Variants in CEP78 observed in about 807,000 individuals in gnomAD.
CEP78 encodes the protein centrosomal protein of 78 kDa.
In CEP78, 76 loss-of-function variants were observed where a neutral mutation model predicts 81.2. The ratio of observed to expected loss-of-function variants is 0.94; its 90% CI spans 0.78 to 1.13. The LOEUF is 1.13. Among genes scored for constraint, CEP78 ranks in the 50% most tolerant of loss-of-function variants. CEP78 has a pLI of 0.00. For synonymous variants in CEP78, 293 were observed against 301.4 expected, an observed-to-expected ratio of 0.97 and a Z score of 0.29; for missense variants, 918 against 846.8, an observed-to-expected ratio of 1.08 and a Z score of -1.04.
At chr9:78,243,392 A>T in intron 4 of CEP78, 70 bp from the exon 5 acceptor site, 1 of 1,323,110 alleles carries the variant, frequency 7.6e-7, no homozygotes, top group Non-Finnish European at 1.1e-6. Context: ...AATCAGCTGT[A>T]CTTAGTTCCT....
Position 78,252,030 on chromosome 9 carries a change from G to A in CEP78, c.1192G>A (p.Ala398Thr). ...CTTGCCGTGGCGTACTGCAGAACGT[G>A]CAAAAAGACACAGGTAGGGTATTTT... The part of the protein sequence containing the change: ...GFLPWRTAER[A>T]KRHRGFPLIK... Residue 398 changes from alanine (A) to threonine (T), a missense_variant, in exon 9 of 17, where the codon GCA (alanine) becomes ACA (threonine). By Grantham distance (58) the Ala-to-Thr change is moderately conservative (BLOSUM62 0). Transcript: ENST00000643273. 6.3e-7 allele frequency: 1 copy of A among 1,590,410 alleles called. No individual in the cohort carries two copies.
chr9:78,254,490 TG>T (rs1826918483), intron 10 of CEP78: 1 of 155,424 alleles, frequency 6.4e-6, no homozygotes, highest in Non-Finnish European at 1.4e-5. Flanking sequence ...CATCTGCAGT[TG>T]ATCTGAGAAA....
intron 11 of CEP78, among the ~76,000 whole-genome samples, chr9:78,259,109 A>G (rs894149369): frequency 2.0e-5 from 3 of 152,246 alleles, no homozygotes; most frequent in Non-Finnish European, 4.4e-5. Context: ...ATTAGATTGC[A>G]TTTGTACACT....
At position 78,253,188 on chromosome 9, in the gene CEP78, G is replaced by A. The variant is rs1364861067; in HGVS notation, c.1206-44G>A. On this transcript the variant is annotated intron_variant, in intron 9 of 16. Coordinates refer to ENST00000643273, the MANE Select transcript of CEP78 (RefSeq NM_001330691.3). ...TTATTACCTAGTGTTAACTGGTGGTGTATTTACATCAAAATATAACTTAAT... is the reference window on the plus strand; with the variant it reads ...TTATTACCTAGTGTTAACTGGTGGTATATTTACATCAAAATATAACTTAAT... 3 of 831,812 alleles carry A rather than the reference G, an allele frequency of 3.6e-6. No individual in the cohort carries two copies. The African/African-American group carries it at 5.0e-5, about 14-fold the overall frequency. The allele number at this position is 831,812 out of a possible 1,614,324, so 51.5% of individuals were successfully genotyped here. A position where few individuals can be genotyped will look rare whatever the true frequency, so the allele number is the denominator to read the frequency against.
chr9:78,256,393 G>T (rs750684374), intron 11 of CEP78, among the ~76,000 whole-genome samples: 17 of 152,158 alleles, frequency 1.1e-4, no homozygotes, highest in Non-Finnish European at 1.5e-5. Flanking sequence ...TAACTGGGGA[G>T]AACTAGGGTA....
chr9:78,264,070 G>A (rs1827398272), intron 12 of CEP78, 80 bp from the exon 13 acceptor site: 2 of 1,004,214 alleles, frequency 2.0e-6, no homozygotes, highest in Non-Finnish European at 2.7e-6. Flanking sequence ...TTTTTAAAAT[G>A]TTTTATTTTA....
intron 5 of CEP78, among the ~76,000 whole-genome samples, chr9:78,245,609 G>A (rs1048632943): frequency 2.0e-5 from 3 of 152,160 alleles, no homozygotes; most frequent in Admixed American, 6.5e-5. Context: ...TGGTATACAC[G>A]TGCTTTTGCT....
At chr9:78,248,238 T>TA in intron 6 of CEP78, 53 bp from the exon 7 acceptor site, 1 of 910,016 alleles carries the variant, frequency 1.1e-6, no homozygotes, top group African/African-American at 1.7e-5. Flanking sequence ...TAAATGGGAA[T>TA]AGCCACTCAT....
rs760910248 is a variant in CEP78, at chr9:78,254,946, A to G, written c.1362A>G (p.Ile454Met). The change falls in exon 11 of 17, where the codon ATA becomes ATG. Residue 454 changes from isoleucine (I) to methionine (M), a missense_variant. Ile to Met is a conservative substitution (Grantham distance 10). Coordinates refer to ENST00000643273, the MANE Select transcript of CEP78 (RefSeq NM_001330691.3). ...SVHEVPEKTS[I>M]EQEALQEKLE... The stretch of plus-strand genomic sequence containing the variant: ...ATGAAGTGCCTGAGAAAACTAGTAT[A>G]GAACAAGAAGCATTACAGGTACAAA... 5 of 1,610,714 alleles carry G rather than the reference A, an allele frequency of 3.1e-6. No individual in the cohort carries two copies. In the Admixed American group the frequency reaches 8.3e-5, roughly 27 times the overall value.
intron 6 of CEP78, among the ~76,000 whole-genome samples, chr9:78,247,769 G>A (rs1826563928): frequency 1.3e-5 from 2 of 152,174 alleles, no homozygotes. Flanking sequence ...TGGAAGGTTG[G>A]AGGTGGTAAA....
intron 10 of CEP78, chr9:78,253,873 G>T (rs1826882021): frequency 6.6e-6 from 1 of 152,326 alleles, no homozygotes; most frequent in East Asian, 1.9e-4. Context: ...GAGCACCTGT[G>T]TGTCCGTACT....
chr9:78,254,631 C>T (rs1826927638), intron 10 of CEP78: 1 of 249,768 alleles, frequency 4.0e-6, no homozygotes, highest in Non-Finnish European at 7.6e-6. Context: ...TAATTATAAA[C>T]CTTATATGAG....
In CEP78 at chr9:78,275,279, A is replaced by G. The variant is rs1192534593; in HGVS notation, c.*4428A>G. 3 of 152,184 alleles carry G rather than the reference A, an allele frequency of 2.0e-5. No homozygotes were observed. The highest frequency in any genetic ancestry group is 1.5e-5 in the Non-Finnish European group (1 of 68,032). The allele number at this position is 152,184 out of a possible 1,614,324, so 9.4% of individuals were successfully genotyped here. A position where few individuals can be genotyped will look rare whatever the true frequency, so the allele number is the denominator to read the frequency against. On this transcript the variant is annotated 3_prime_UTR_variant, in exon 17 of 17. Coordinates refer to ENST00000643273, the MANE Select transcript of CEP78 (RefSeq NM_001330691.3). Reference sequence around the variant, plus strand: ...AAAATGTAAATAAACGAAACATCTTAGGAGAAATTGAAAAAATAGGACAAG... The same window carrying G: ...AAAATGTAAATAAACGAAACATCTTGGGAGAAATTGAAAAAATAGGACAAG...
Position 78,275,109 on chromosome 9 carries a change from C to A in CEP78, c.*4258C>A, listed in dbSNP as rs1362944346. On this transcript the variant is annotated 3_prime_UTR_variant, in exon 17 of 17. Coordinates refer to ENST00000643273, the MANE Select transcript of CEP78 (RefSeq NM_001330691.3). ...CATTAGGAATAATTTTAGAAGGATA[C>A]CTACAACTAGAAGAGATATTTTTAA... 6.6e-6 allele frequency: 1 copy of A among 151,892 alleles called. No homozygotes were observed. The highest frequency in any genetic ancestry group is 1.5e-5 in the Non-Finnish European group (1 of 67,984). 9.4% of individuals were successfully genotyped at this position (151,892 alleles called of 1,614,324 possible). A position where few individuals can be genotyped will look rare whatever the true frequency, so the allele number is the denominator to read the frequency against.
intron 4 of CEP78, among the ~76,000 whole-genome samples, chr9:78,242,394 T>C (rs931143133): frequency 6.6e-6 from 1 of 152,176 alleles, no homozygotes; most frequent in African/African-American, 2.4e-5. Flanking sequence ...TGGTTACTCA[T>C]GTGGATTCTG....
intron 11 of CEP78, among the ~76,000 whole-genome samples, chr9:78,261,401 GGAGAA>G (rs1827267312): frequency 6.6e-6 from 1 of 152,158 alleles, no homozygotes; most frequent in Non-Finnish European, 1.5e-5. Flanking sequence ...TGGGTAGAAG[GGAGAA>G]AGGGGAGCAG....
intron 11 of CEP78, among the ~76,000 whole-genome samples, chr9:78,257,132 C>T (rs959054720): frequency 2.6e-5 from 4 of 151,358 alleles, no homozygotes; most frequent in African/African-American, 9.7e-5. Context: ...AGAAAGTTTA[C>T]CTTAGATAGA....
At chr9:78,268,120 A>G (rs1827607567) in intron 16 of CEP78, among the ~76,000 whole-genome samples, 1 of 152,086 alleles carries the variant, frequency 6.6e-6, no homozygotes, top group Non-Finnish European at 1.5e-5. Flanking sequence ...GTGTGGGGAA[A>G]AAGGAGGAGA....
Position 78,277,585 on chromosome 9 carries a change from T to C in CEP78, c.*6734T>C, listed in dbSNP as rs1827830395. On this transcript the variant is annotated 3_prime_UTR_variant, in exon 17 of 17. Coordinates refer to ENST00000643273, the MANE Select transcript of CEP78 (RefSeq NM_001330691.3). ...ATGGCAGATTATTAAAGATTGGTGA[T>C]AGTGCTGGAGATAATGTGAGGAAAG... 6.6e-6 allele frequency: 1 copy of C among 152,196 alleles called. No individual in the cohort carries two copies. The highest frequency in any genetic ancestry group is 1.5e-5 in the Non-Finnish European group (1 of 68,014). The allele number at this position is 152,196 out of a possible 1,614,324, so 9.4% of individuals were successfully genotyped here. A position where few individuals can be genotyped will look rare whatever the true frequency, so the allele number is the denominator to read the frequency against.
Sources: allele counts gnomAD v4.1 joint callset (sites outside exome capture counted in the v4.1 genomes callset), GRCh38; gene constraint gnomAD v4.1.1; transcripts MANE v1.5; gene names NCBI Gene and HGNC (gene_info 2026-07-23, HGNC 2026-07-21).